RNGTT: variants seen among roughly 807,000 people sequenced by gnomAD.
RNGTT encodes mRNA-capping enzyme.
A neutral mutation model predicts 79.3 loss-of-function variants in RNGTT; 33 were observed. That is an observed-to-expected ratio of 0.42 (90% CI 0.32 to 0.56). The LOEUF is 0.56. Ranked by LOEUF, RNGTT falls within the 20% of genes least tolerant of loss-of-function variation. RNGTT has a pLI of 0.17. For missense variants in RNGTT, 497 were observed against 739.1 expected (o/e 0.67, Z 3.80); for synonymous variants, 222 against 235.9 (o/e 0.94, Z 0.54).
At chr6:88,686,168 C>T (rs571667206) in intron 13 of RNGTT, among the ~76,000 whole-genome samples, 23 of 149,424 alleles carry the variant, frequency 1.5e-4, no homozygotes, top group South Asian at 4.3e-4. Flanking sequence ...ATGGATGATC[C>T]AATTCAAAAT....
Position 88,946,811 on chromosome 6 carries a change from C to T in RNGTT, c.65-5631G>A, listed in dbSNP as rs866261325. Reference sequence around the variant, plus strand: ...CTGCGATTGCAGGCACGCGCCGCCACGCCTGACTGGTTTTGGTGGAGATGG... The same window carrying T: ...CTGCGATTGCAGGCACGCGCCGCCATGCCTGACTGGTTTTGGTGGAGATGG... On this transcript the variant is annotated intron_variant, in intron 1 of 15. Transcript: ENST00000369485. Among the ~76,000 whole-genome samples, 446 of 144,194 alleles carry T rather than the reference C, an allele frequency of 3.1e-3. 1 individual carries two copies. Among genetic ancestry groups the T allele is most frequent in the Middle Eastern group, 0.01 (3 of 286 alleles). The allele number at this position is 144,194 out of a possible 152,430, so 94.6% of individuals were successfully genotyped here. A position where few individuals can be genotyped will look rare whatever the true frequency, so the allele number is the denominator to read the frequency against.
intron 14 of RNGTT, among the ~76,000 whole-genome samples, chr6:88,669,393 T>C (rs1471278769): frequency 2.6e-5 from 4 of 152,220 alleles, no homozygotes; most frequent in African/African-American, 9.6e-5. Flanking sequence ...CAGTTCCTGA[T>C]ATAATTCCAG....
At chr6:88,686,062 T>C (rs1376244228) in intron 13 of RNGTT, among the ~76,000 whole-genome samples, 1 of 150,564 alleles carries the variant, frequency 6.6e-6, no homozygotes, top group Non-Finnish European at 1.5e-5. Flanking sequence ...TTATTAGGAT[T>C]AATCAATGAA....
At position 88,612,767 on chromosome 6, in the gene RNGTT, C is replaced by T. The variant is rs1231392767; in HGVS notation, c.1746G>A (p.Thr582=). 2.5e-5 allele frequency: 41 copies of T among 1,613,136 alleles called. No homozygotes were observed. In the East Asian group the frequency reaches 5.3e-4, roughly 21 times the overall value. ...TGGGAGGTGGTGGTGGCATGAGCTC[C>T]GTGTCAGGGTCCAGATGATGTTTTC... is the stretch of plus-strand genomic sequence containing the variant. ...QKRKHHLDPD[T]ELMPPPPPKR... Residue 582 remains threonine (T), a synonymous_variant, in exon 16 of 16, where the codon ACG becomes ACA. Transcript: ENST00000369485.
chr6:88,788,607 TA>T (rs1779306107), intron 12 of RNGTT, among the ~76,000 whole-genome samples: 1 of 152,194 alleles, frequency 6.6e-6, no homozygotes, highest in Admixed American at 6.5e-5. Context: ...ATAAAAGTAA[TA>T]TTAGTAAATC....
At chr6:88,851,161 A>T (rs1194787863) in intron 9 of RNGTT, among the ~76,000 whole-genome samples, 1 of 151,784 alleles carries the variant, frequency 6.6e-6, no homozygotes, top group Non-Finnish European at 1.5e-5. Flanking sequence ...CATAGTATGT[A>T]AATTGTATCT....
chr6:88,858,486 T>C (rs1781908734), intron 8 of RNGTT, among the ~76,000 whole-genome samples: 1 of 152,140 alleles, frequency 6.6e-6, no homozygotes, highest in Admixed American at 6.5e-5. Context: ...TGGAAGGCAT[T>C]CCAGAGGAAT....
At chr6:88,939,461 A>G (rs935025505) in intron 2 of RNGTT, among the ~76,000 whole-genome samples, 1 of 151,906 alleles carries the variant, frequency 6.6e-6, no homozygotes, top group Non-Finnish European at 1.5e-5. Context: ...TGAATTTCTG[A>G]TATCTATCTC....
intron 1 of RNGTT, among the ~76,000 whole-genome samples, chr6:88,958,051 T>G (rs973361709): frequency 5.3e-5 from 8 of 152,230 alleles, no homozygotes; most frequent in African/African-American, 1.9e-4. Context: ...TGGAACAGAA[T>G]AGAGAACCCA....
intron 13 of RNGTT, chr6:88,714,185 T>G (rs1776419860): frequency 6.6e-6 from 1 of 152,242 alleles, no homozygotes; most frequent in Non-Finnish European, 1.5e-5. Flanking sequence ...GTGATGAAAG[T>G]GTTCCATGAA....
intron 4 of RNGTT, among the ~76,000 whole-genome samples, chr6:88,913,731 C>A (rs994544560): frequency 1.6e-4 from 25 of 152,076 alleles, no homozygotes; most frequent in African/African-American, 5.6e-4. Context: ...ACCATCTATG[C>A]TAAACCCACA....
chr6:88,750,018 T>A (rs1582414809), intron 13 of RNGTT, among the ~76,000 whole-genome samples: 1 of 152,168 alleles, frequency 6.6e-6, no homozygotes, highest in East Asian at 1.9e-4. Flanking sequence ...AATCTCTCTG[T>A]GTCTTCCTTC....
chr6:88,925,204 T>C (rs896195591), intron 4 of RNGTT, among the ~76,000 whole-genome samples: 3 of 152,170 alleles, frequency 2.0e-5, no homozygotes, highest in African/African-American at 7.2e-5. Context: ...ACTTATTAGA[T>C]GCATGACCAT....
At chr6:88,789,565 T>C (rs1779338350) in intron 12 of RNGTT, among the ~76,000 whole-genome samples, 1 of 152,160 alleles carries the variant, frequency 6.6e-6, no homozygotes, top group Non-Finnish European at 1.5e-5. Context: ...GTCTCAAATA[T>C]GTAGATATCT....
At chr6:88,919,839 C>A (rs111940672) in intron 4 of RNGTT, among the ~76,000 whole-genome samples, 1 of 149,812 alleles carries the variant, frequency 6.7e-6, no homozygotes, top group Admixed American at 6.7e-5. Context: ...TACAGGCATG[C>A]GCCACCACGC....
chr6:88,929,306 A>G (rs891719253), intron 2 of RNGTT, 39 bp from the exon 3 acceptor site: 2 of 1,293,684 alleles, frequency 1.5e-6, no homozygotes, highest in Admixed American at 2.0e-5. Context: ...ATTTACTAGT[A>G]ACTTAATTTG....
At chr6:88,768,191 G>C (rs1016388547) in intron 13 of RNGTT, among the ~76,000 whole-genome samples, 1 of 150,432 alleles carries the variant, frequency 6.6e-6, no homozygotes, top group Admixed American at 6.6e-5. Context: ...TTTTGAGACA[G>C]AGACTTGCTC....
chr6:88,897,155 C>G, intron 6 of RNGTT, among the ~76,000 whole-genome samples: 1 of 152,210 alleles, frequency 6.6e-6, no homozygotes, highest in East Asian at 1.9e-4. Context: ...CCTGACCTTA[C>G]TTCCTATTCA....
intron 13 of RNGTT, among the ~76,000 whole-genome samples, chr6:88,680,442 G>A (rs376167372): frequency 6.6e-6 from 1 of 151,906 alleles, no homozygotes; most frequent in East Asian, 1.9e-4. Context: ...TGTCCCCTAC[G>A]TTCTATAAGA....
Sources: allele counts gnomAD v4.1 joint callset (sites outside exome capture counted in the v4.1 genomes callset), GRCh38; gene constraint gnomAD v4.1.1; transcripts MANE v1.5; gene names NCBI Gene and HGNC (gene_info 2026-07-23, HGNC 2026-07-21).